SIM2: variants seen among roughly 807,000 people sequenced by gnomAD.
SIM2 encodes the protein single-minded homolog 2.
In SIM2, 28 loss-of-function variants were observed where a neutral mutation model predicts 64.8. The observed-to-expected ratio is 0.43, with a 90% CI of 0.32 to 0.59. The LOEUF (loss-of-function observed/expected upper bound fraction) is 0.59, where lower values mean the gene tolerates loss of function less well. Among genes scored for constraint, SIM2 ranks in the 20% least tolerant of loss-of-function variants. SIM2 has a pLI of 0.07. For synonymous variants in SIM2, 408 were observed against 391.1 expected, an observed-to-expected ratio of 1.04 and a Z score of -0.51; for missense variants, 847 against 871.4, an observed-to-expected ratio of 0.97 and a Z score of 0.35.
At chr21:36,738,881 C>T (rs1254697162) in intron 7 of SIM2, among the ~76,000 whole-genome samples, 1 of 152,250 alleles carries the variant, frequency 6.6e-6, no homozygotes, top group African/African-American at 2.4e-5. Context: ...TAAGCCTGGG[C>T]AGAAAAGCGC....
At position 36,699,354 on chromosome 21, in the gene SIM2, A is replaced by T; in HGVS notation, c.-393A>T. On this transcript the variant is annotated 5_prime_UTR_variant, in exon 1 of 11. Transcript: ENST00000290399. This position sits in a 1 kb window ranked among gnomAD's most constrained non-coding sequence, Gnocchi z 5.6. ...CTCCGGTCCGGAGGGGCCTTGCCGC[A>T]GCCGGTTCGAGCACTCGACGAAGGA... is the stretch of plus-strand genomic sequence containing the variant. 6.6e-6 allele frequency: 1 copy of T among 151,082 alleles called. No individual in the cohort carries two copies. 9.4% of individuals were successfully genotyped at this position (151,082 alleles called of 1,614,324 possible).
chr21:36,708,229 G>C (rs1247847356), intron 1 of SIM2, among the ~76,000 whole-genome samples: 1 of 152,184 alleles, frequency 6.6e-6, no homozygotes, highest in Admixed American at 6.5e-5. Context: ...CCCAGCCCGC[G>C]CTAAGCGCCG....
chr21:36,700,775 G>A (rs115868938), intron 1 of SIM2, among the ~76,000 whole-genome samples: 1,662 of 152,332 alleles, frequency 0.011, 36 homozygotes, highest in African/African-American at 0.038. Flanking sequence ...GCTGAGACCC[G>A]GCTGAAAGAG....
chr21:36,725,097 G>C lies in SIM2; in HGVS notation c.544-1022G>C, dbSNP rs116184572. Among the ~76,000 whole-genome samples, 345 of 152,272 alleles carry C rather than the reference G, an allele frequency of 2.3e-3. 2 individuals carry two copies. The highest frequency in any genetic ancestry group is 8.0e-3 in the African/African-American group (331 of 41,548). ...ACAGTGATTCATGCCTGTAATTCCA[G>C]TACTTTGGAAGGCTAATGTGGGAGG... On this transcript the variant is annotated intron_variant, in intron 5 of 10. Transcript: ENST00000290399.
rs1027801098 is a variant in SIM2, at chr21:36,726,962, C to T, written c.743+644C>T. 6.6e-5 allele frequency among the ~76,000 whole-genome samples: 10 copies of T among 152,174 alleles called. No homozygotes were observed. The highest frequency in any genetic ancestry group is 1.3e-4 in the Admixed American group (2 of 15,272). On this transcript the variant is annotated intron_variant, in intron 6 of 10. Coordinates refer to ENST00000290399, the MANE Select transcript of SIM2 (RefSeq NM_005069.6). The surrounding 1 kb of genome is among the most constrained non-coding windows in gnomAD (Gnocchi z 4.5). The stretch of plus-strand genomic sequence containing the variant: ...AGTGGCCTTCACTCTCCCCTAGAAC[C>T]GGCTGCAGTCCCAGTTTTTTAACTG...
Position 36,712,599 on chromosome 21 carries a change from T to G in SIM2, c.325T>G (p.Ser109Ala). ...GKIMYISETA[S>A]VHLGLSQVEL... ...AATCATGTATATATCCGAGACCGCTTCTGTCCATTTAGGCTTATCCCAGGT... is the reference window on the plus strand; with the variant it reads ...AATCATGTATATATCCGAGACCGCTGCTGTCCATTTAGGCTTATCCCAGGT... The change falls in exon 3 of 11, where the codon TCT becomes GCT. Residue 109 changes from serine (S) to alanine (A), a missense_variant. Physicochemically the swap from Ser to Ala is moderately conservative, Grantham distance 99. Transcript: ENST00000290399. The G allele has an allele frequency of 6.2e-7, 1 of 1,613,456 alleles. No homozygotes were observed. The highest frequency in any genetic ancestry group is 8.5e-7 in the Non-Finnish European group (1 of 1,179,524).
In SIM2 at chr21:36,741,713, G is replaced by C; in HGVS notation, c.851-4G>C. On this transcript the variant is annotated splice_polypyrimidine_tract_variant and splice_region_variant and intron_variant, in intron 7 of 10. Transcript: ENST00000290399. ...TGAGGACTCCTGTCACCTTGTGCTT[G>C]CAGTGTTGGTGAAGGGCCAGGTCAC... The C allele has an allele frequency of 6.2e-7, 1 of 1,612,348 alleles. No individual in the cohort carries two copies. Among genetic ancestry groups the C allele is most frequent in the Non-Finnish European group, 8.5e-7 (1 of 1,179,902 alleles).
rs191266548 is a variant in SIM2 at position 36,705,212 on chromosome 21, C to T, written c.176-3956C>T. Among the ~76,000 whole-genome samples the T allele has an allele frequency of 7.1e-3, 1,080 of 152,338 alleles. 11 individuals are homozygous for T. Among genetic ancestry groups the T allele is most frequent in the African/African-American group, 0.024 (1,007 of 41,582 alleles). ...GTGGCGGAGCTGTAGAGGCTGCCCG[C>T]GCAGAAAGCTCCAGGATCCCAATAT... is the stretch of plus-strand genomic sequence containing the variant. On this transcript the variant is annotated intron_variant, in intron 1 of 10. Transcript: ENST00000290399.
intron 1 of SIM2, among the ~76,000 whole-genome samples, chr21:36,704,455 G>C (rs540525121): frequency 6.6e-6 from 1 of 152,370 alleles, no homozygotes; most frequent in Admixed American, 6.5e-5. Flanking sequence ...GATCCAGGAG[G>C]GAAAGCCCGC....
Position 36,743,966 on chromosome 21 carries a change from C to T in SIM2, c.1167+411C>T, listed in dbSNP as rs117768567. Among the ~76,000 whole-genome samples the T allele has an allele frequency of 9.3e-3, 1,419 of 152,264 alleles. 14 individuals are homozygous for T. The highest frequency in any genetic ancestry group is 0.014 in the Non-Finnish European group (930 of 68,006). On this transcript the variant is annotated intron_variant, in intron 9 of 10. Coordinates refer to ENST00000290399, the MANE Select transcript of SIM2 (RefSeq NM_005069.6). ...GTGAGCTCTCAGAAATAGCAATTGT[C>T]GGTTGGGCGTGGTGGCCCATGCCTG...
At chr21:36,717,541 G>A (rs992303597) in intron 3 of SIM2, among the ~76,000 whole-genome samples, 4 of 149,582 alleles carry the variant, frequency 2.7e-5, no homozygotes, top group South Asian at 2.1e-4. Flanking sequence ...TGCGCCTCCC[G>A]GGTTCAGACG....
intron 1 of SIM2, among the ~76,000 whole-genome samples, chr21:36,702,199 C>T (rs935674710): frequency 6.6e-6 from 1 of 152,170 alleles, no homozygotes; most frequent in African/African-American, 2.4e-5. Flanking sequence ...GGGGGTGGTC[C>T]TTCTGGGGGT....
At chr21:36,721,526 A>T (rs1272235069) in intron 4 of SIM2, among the ~76,000 whole-genome samples, 1 of 149,536 alleles carries the variant, frequency 6.7e-6, no homozygotes, top group Non-Finnish European at 1.5e-5. Flanking sequence ...TGCAACCTCC[A>T]CCACCTGGGT....
chr21:36,742,920 A>C (rs1464397405), intron 8 of SIM2, among the ~76,000 whole-genome samples: 1 of 152,188 alleles, frequency 6.6e-6, no homozygotes, highest in Non-Finnish European at 1.5e-5. Flanking sequence ...TCTTTAGGGC[A>C]GAGATGGGCC....
intron 6 of SIM2, among the ~76,000 whole-genome samples, chr21:36,728,812 C>G (rs1471602144): frequency 6.6e-6 from 1 of 152,232 alleles, no homozygotes; most frequent in Non-Finnish European, 1.5e-5. Context: ...GGGCTTTGCC[C>G]GAAGTCCAGC....
chr21:36,741,540 CGT>C (rs112124266), intron 7 of SIM2, among the ~76,000 whole-genome samples, 175 bp from the exon 8 acceptor site: 2 of 151,992 alleles, frequency 1.3e-5, no homozygotes, highest in Non-Finnish European at 2.9e-5. Flanking sequence ...TATATGCACG[CGT>C]GTGTGTGTGT....
In SIM2 at chr21:36,745,041, C is replaced by T; in HGVS notation, c.1481C>T (p.Ala494Val). 6.2e-7 allele frequency: 1 copy of T among 1,614,138 alleles called. No homozygotes were observed. The highest frequency in any genetic ancestry group is 8.5e-7 in the Non-Finnish European group (1 of 1,180,002). The change falls in exon 10 of 11, where the codon GCC becomes GTC. Residue 494 changes from alanine to valine, a missense_variant. Around this residue, in one of 3 missense-constraint regions of SIM2, gnomAD observed 447 missense variants for 414.6 expected, o/e 1.08. Coordinates refer to ENST00000290399, the MANE Select transcript of SIM2 (RefSeq NM_005069.6). This position sits in a 1 kb window ranked among gnomAD's most constrained non-coding sequence, Gnocchi z 4.8. ...AGCGGTGAATGCCAGTGGCATTATGCCAACCCCCTAGTGCCTAGCAGCTCG... is the reference window on the plus strand; with the variant it reads ...AGCGGTGAATGCCAGTGGCATTATGTCAACCCCCTAGTGCCTAGCAGCTCG... ...PASGECQWHY[A>V]NPLVPSSSSP...
chr21:36,735,346 A>G (rs2089028695), intron 7 of SIM2, among the ~76,000 whole-genome samples: 1 of 152,214 alleles, frequency 6.6e-6, no homozygotes. Context: ...GCCTTCATCC[A>G]GGCTGTGTTA....
At chr21:36,740,554 A>G (rs537871316) in intron 7 of SIM2, among the ~76,000 whole-genome samples, 2 of 152,282 alleles carry the variant, frequency 1.3e-5, no homozygotes, top group Non-Finnish European at 2.9e-5. Context: ...TTTTGCACCA[A>G]AATATTTTGA....
Sources: allele counts gnomAD v4.1 joint callset (sites outside exome capture counted in the v4.1 genomes callset), GRCh38; gene constraint gnomAD v4.1.1; regional missense constraint gnomAD v4.1.1; non-coding constraint Gnocchi (gnomAD v3.1); transcripts MANE v1.5; gene names NCBI Gene and HGNC (gene_info 2026-07-23, HGNC 2026-07-21).